LIN7A: variants seen among roughly 807,000 people sequenced by gnomAD.
The protein encoded by LIN7A is protein lin-7 homolog A.
LIN7A carries 25 observed loss-of-function variants against 29.8 expected under a neutral mutation model. That is an observed-to-expected ratio of 0.84 (90% confidence interval 0.61 to 1.17). The LOEUF (loss-of-function observed/expected upper bound fraction) is 1.17. Among genes scored for constraint, LIN7A ranks in the 50% most tolerant of loss-of-function variants. The pLI is 0.00. For missense variants in LIN7A, 239 were observed against 287.0 expected (o/e 0.83, Z 1.21); for synonymous variants, 118 against 107.5 (o/e 1.10, Z -0.60).
At chr12:80,841,397 A>T (rs1409627490) in intron 4 of LIN7A, among the ~76,000 whole-genome samples, 1 of 150,092 alleles carries the variant, frequency 6.7e-6, no homozygotes, top group Non-Finnish European at 1.5e-5. Flanking sequence ...GGAAGGAAGG[A>T]AGGAAGGAAG....
intron 5 of LIN7A, 111 bp downstream of exon 5, chr12:80,811,354 A>G: frequency 2.3e-6 from 1 of 427,282 alleles, no homozygotes; most frequent in East Asian, 4.0e-5. Flanking sequence ...CAGCTAAGAA[A>G]ATATATTTTA....
At chr12:80,934,614 A>G (rs758438886) in intron 1 of LIN7A, among the ~76,000 whole-genome samples, 2 of 152,224 alleles carry the variant, frequency 1.3e-5, no homozygotes. Flanking sequence ...TTGTTTGCTT[A>G]AAACATTTGC....
chr12:80,811,554 T>C lies in LIN7A; in HGVS notation c.613A>G (p.Thr205Ala). 3.7e-6 allele frequency: 6 copies of C among 1,613,964 alleles called. No homozygotes were observed. In the Middle Eastern group the frequency reaches 5.0e-4, roughly 133 times the overall value. Residue 205 changes from threonine to alanine, a missense_variant, in exon 5 of 6, where the codon ACA becomes GCA. By Grantham distance (58) the Thr-to-Ala change is moderately conservative. Coordinates refer to ENST00000552864, the MANE Select transcript of LIN7A (RefSeq NM_004664.4). The part of the protein sequence containing the change: ...EMEARFEKLR[T>A]ARRRQQQQLL... ...TGCTGCTGCTGCCGACGCCTGGCTG[T>C]TCGTAGCTTTTCAAAGCGAGCCTCC...
intron 2 of LIN7A, among the ~76,000 whole-genome samples, chr12:80,852,318 C>T (rs760751983): frequency 4.4e-4 from 67 of 152,080 alleles, no homozygotes; most frequent in Non-Finnish European, 8.7e-4. Context: ...ACAATATAAA[C>T]TTTACATTGC....
intron 2 of LIN7A, among the ~76,000 whole-genome samples, chr12:80,850,463 G>A (rs1320458820): frequency 2.0e-5 from 3 of 152,120 alleles, no homozygotes; most frequent in Non-Finnish European, 4.4e-5. Context: ...AATCTCCTAA[G>A]ATGAGCAGTT....
At chr12:80,840,343 C>G (rs1291766688) in intron 4 of LIN7A, among the ~76,000 whole-genome samples, 1 of 152,170 alleles carries the variant, frequency 6.6e-6, no homozygotes, top group Non-Finnish European at 1.5e-5. Context: ...CCAGTTATTA[C>G]ATTTGGTAAG....
In LIN7A at chr12:80,852,988, A is replaced by G. The variant is rs573511895; in HGVS notation, c.202-4666T>C. Among the ~76,000 whole-genome samples, 4 of 152,252 alleles carry G rather than the reference A, an allele frequency of 2.6e-5. No individual in the cohort carries two copies. In the East Asian group the frequency reaches 7.7e-4, roughly 29 times the overall value. On this transcript the variant is annotated intron_variant, in intron 2 of 5. Transcript: ENST00000552864. ...TGTGGATATTATCAGCTGTAGTGGC[A>G]ACCTTCAACTTCAGAGAGAAGGACC...
rs139498945 is a variant in LIN7A, at chr12:80,864,814, T to C, written c.202-16492A>G. 2.7e-3 allele frequency among the ~76,000 whole-genome samples: 408 copies of C among 152,308 alleles called. 6 individuals carry two copies. The highest frequency in any genetic ancestry group is 1.9e-3 in the Non-Finnish European group (128 of 68,036). On this transcript the variant is annotated intron_variant, in intron 2 of 5. Coordinates refer to ENST00000552864, the MANE Select transcript of LIN7A (RefSeq NM_004664.4). Reference sequence around the variant, plus strand: ...AAGTGAAAGAAGATGTGAATTTGAATACATTATTAACCTGTCTTTGGGGAT... The same window carrying C: ...AAGTGAAAGAAGATGTGAATTTGAACACATTATTAACCTGTCTTTGGGGAT...
At position 80,796,089 on chromosome 12, in the gene LIN7A, A is replaced by C. The variant is rs1460899480; in HGVS notation, c.*1638T>G. On this transcript the variant is annotated 3_prime_UTR_variant, in exon 6 of 6. Coordinates refer to ENST00000552864, the MANE Select transcript of LIN7A (RefSeq NM_004664.4). ...ACTATCACCCAACAGGGCATAATAAAATGTGCTGGGTAGTTTTGATTGGTT... is the reference window on the plus strand; with the variant it reads ...ACTATCACCCAACAGGGCATAATAACATGTGCTGGGTAGTTTTGATTGGTT... The C allele has an allele frequency of 6.6e-6, 1 of 152,144 alleles. No individual in the cohort carries two copies. Among genetic ancestry groups the C allele is most frequent in the Non-Finnish European group, 1.5e-5 (1 of 67,994 alleles). The allele number at this position is 152,144 out of a possible 1,614,324, so 9.4% of individuals were successfully genotyped here.
At chr12:80,901,010 T>C (rs1161887454) in intron 1 of LIN7A, among the ~76,000 whole-genome samples, 1 of 152,164 alleles carries the variant, frequency 6.6e-6, no homozygotes, top group Admixed American at 6.5e-5. Context: ...GGAAGTCATT[T>C]TTAAGCTTTC....
At chr12:80,936,418 C>T (rs1878219628) in intron 1 of LIN7A, 1 of 152,292 alleles carries the variant, frequency 6.6e-6, no homozygotes, top group Non-Finnish European at 1.5e-5. Flanking sequence ...GGCTTTGTTA[C>T]TGTACTCTCA....
intron 5 of LIN7A, among the ~76,000 whole-genome samples, chr12:80,808,978 AT>A (rs34489397): frequency 0.023 from 3,370 of 144,912 alleles, 60 homozygotes; most frequent in South Asian, 0.062. Flanking sequence ...TCTTCTTTTC[AT>A]TTTTTTTTTT....
At chr12:80,884,653 C>A (rs950034996) in intron 2 of LIN7A, among the ~76,000 whole-genome samples, 4 of 152,116 alleles carry the variant, frequency 2.6e-5, no homozygotes, top group Non-Finnish European at 4.4e-5. Flanking sequence ...CTGTAGCATG[C>A]ACAAAGAAGT....
In LIN7A at chr12:80,917,698, A is replaced by G. The variant is rs183335154; in HGVS notation, c.82+19943T>C. Among the ~76,000 whole-genome samples the G allele has an allele frequency of 3.4e-3, 510 of 152,238 alleles. 2 individuals are homozygous for G. Among genetic ancestry groups the G allele is most frequent in the Non-Finnish European group, 5.1e-3 (349 of 68,018 alleles). On this transcript the variant is annotated intron_variant, in intron 1 of 5. Transcript: ENST00000552864. ...TATAGTTTCTATTCTTTCACAATAC[A>G]TACTTTTAATAATTATAAATATGCT...
intron 2 of LIN7A, among the ~76,000 whole-genome samples, chr12:80,877,771 A>G (rs1874786989): frequency 6.6e-6 from 1 of 152,078 alleles, no homozygotes; most frequent in Non-Finnish European, 1.5e-5. Context: ...GTAACTTAAC[A>G]TTCATTTTAG....
chr12:80,835,385 C>A (rs890232401), intron 4 of LIN7A, among the ~76,000 whole-genome samples: 1 of 152,078 alleles, frequency 6.6e-6, no homozygotes, highest in Non-Finnish European at 1.5e-5. Flanking sequence ...ATCAGTCCTG[C>A]AGATATAAAG....
intron 2 of LIN7A, among the ~76,000 whole-genome samples, chr12:80,852,328 C>T (rs939549409): frequency 2.0e-5 from 3 of 152,088 alleles, no homozygotes; most frequent in African/African-American, 7.2e-5. Context: ...CTTTACATTG[C>T]ATAGTTCGTC....
intron 4 of LIN7A, among the ~76,000 whole-genome samples, chr12:80,818,322 G>A (rs1173725096): frequency 6.6e-6 from 1 of 152,082 alleles, no homozygotes; most frequent in Non-Finnish European, 1.5e-5. Flanking sequence ...GTGTAAACAT[G>A]CATGTGTGTA....
chr12:80,873,551 A>G (rs1874529213), intron 2 of LIN7A, among the ~76,000 whole-genome samples: 1 of 152,040 alleles, frequency 6.6e-6, no homozygotes, highest in Non-Finnish European at 1.5e-5. Context: ...AAAAGAAAAA[A>G]AAAAAGTAAA....
Sources: allele counts gnomAD v4.1 joint callset (sites outside exome capture counted in the v4.1 genomes callset), GRCh38; gene constraint gnomAD v4.1.1; transcripts MANE v1.5; gene names NCBI Gene and HGNC (gene_info 2026-07-23, HGNC 2026-07-21).